TAF12: variants seen among roughly 807,000 people sequenced by gnomAD.
TAF12 encodes transcription initiation factor TFIID subunit 12.
In TAF12, 3 loss-of-function variants were observed where a neutral mutation model predicts 20.8. The ratio of observed to expected loss-of-function variants is 0.14; its 90% CI spans 0.07 to 0.37. The LOEUF (loss-of-function observed/expected upper bound fraction) is 0.37, where lower values mean the gene tolerates loss of function less well. TAF12 is among the 10% of genes least tolerant of loss of function. TAF12 has a pLI of 1.00. For synonymous variants in TAF12, 69 were observed against 70.2 expected (o/e 0.98, Z 0.09); for missense variants, 131 against 197.9 (o/e 0.66, Z 2.03).
At chr1:28,634,666 A>G (rs1424025586) in intron 1 of TAF12, among the ~76,000 whole-genome samples, 1 of 152,162 alleles carries the variant, frequency 6.6e-6, no homozygotes, top group East Asian at 1.9e-4. Flanking sequence ...GCAGTGGCTC[A>G]CGCCTGTAAT....
intron 4 of TAF12, among the ~76,000 whole-genome samples, chr1:28,608,373 T>C (rs375332734): frequency 1.3e-5 from 2 of 149,132 alleles, no homozygotes; most frequent in East Asian, 4.0e-4. Flanking sequence ...TGAACTCAGG[T>C]GGTGGAGGTT....
rs57536422 is a variant in TAF12 at position 28,615,678 on chromosome 1, C to CAAAAAAAAA, written c.246+2266_246+2274dup. 1.4e-3 allele frequency among the ~76,000 whole-genome samples: 47 copies of CAAAAAAAAA among 34,506 alleles called. 1 individual carries two copies. Among genetic ancestry groups the CAAAAAAAAA allele is most frequent in the East Asian group, 4.5e-3 (3 of 670 alleles). 22.6% of individuals were successfully genotyped at this position (34,506 alleles called of 152,430 possible). A position where few individuals can be genotyped will look rare whatever the true frequency, so the allele number is the denominator to read the frequency against. On this transcript the variant is annotated intron_variant, in intron 3 of 5. Transcript: ENST00000373824. ...TGGTCAACAGAGCGAGACTCCGTCTCAAAAAAAAAAAAAAAAAAAAAAAAA... is the reference window on the plus strand; with the variant it reads ...TGGTCAACAGAGCGAGACTCCGTCTCAAAAAAAAAAAAAAAAAAAAAAAAAAAAAAAAAA...
intron 5 of TAF12, among the ~76,000 whole-genome samples, chr1:28,605,126 G>C (rs1666622089): frequency 6.6e-6 from 1 of 152,156 alleles, no homozygotes; most frequent in Admixed American, 6.5e-5. Context: ...ACAGCTTTAA[G>C]TGACACTCAA....
Position 28,623,945 on chromosome 1 carries a change from C to G in TAF12, c.-84-1780G>C, listed in dbSNP as rs986780888. 4.1e-6 allele frequency: 4 copies of G among 985,532 alleles called. No individual in the cohort carries two copies. The African/African-American group carries it at 5.2e-5, about 13-fold the overall frequency. The allele number at this position is 985,532 out of a possible 1,614,324, so 61.0% of individuals were successfully genotyped here. ...CTCACAGTAGCCTCAAACTTACTTA[C>G]AGCTATCTGAGTGTCTAGATCTTTA... On this transcript the variant is annotated intron_variant, in intron 1 of 5. Transcript: ENST00000373824.
chr1:28,629,964 G>A (rs1261486932), intron 1 of TAF12, among the ~76,000 whole-genome samples: 1 of 148,572 alleles, frequency 6.7e-6, no homozygotes, highest in African/African-American at 2.5e-5. Flanking sequence ...TTTTAGAGAT[G>A]GGTCTTACTT....
At chr1:28,614,968 G>T (rs1380872459) in intron 3 of TAF12, among the ~76,000 whole-genome samples, 1 of 152,152 alleles carries the variant, frequency 6.6e-6, no homozygotes, top group Non-Finnish European at 1.5e-5. Context: ...AATTAGCTGG[G>T]CTTGGTGGCA....
chr1:28,646,635 A>G (rs1379640872), upstream of TAF12, among the ~76,000 whole-genome samples: 1 of 151,050 alleles, frequency 6.6e-6, no homozygotes, highest in Non-Finnish European at 1.5e-5. Flanking sequence ...GGTTCAAGTG[A>G]TTCTCCTGCC....
chr1:28,639,660 G>A (rs1172066220), intron 1 of TAF12, among the ~76,000 whole-genome samples: 4 of 152,060 alleles, frequency 2.6e-5, no homozygotes, highest in Non-Finnish European at 5.9e-5. Flanking sequence ...GCATCGGTAT[G>A]CTTTCCCTTA....
chr1:28,630,606 C>G (rs374397865), intron 1 of TAF12, among the ~76,000 whole-genome samples: 1 of 151,866 alleles, frequency 6.6e-6, no homozygotes, highest in East Asian at 1.9e-4. Context: ...TATACAACTT[C>G]TTGAAGAAAA....
At chr1:28,604,435 C>A (rs998409832) in intron 5 of TAF12, among the ~76,000 whole-genome samples, 2 of 152,214 alleles carry the variant, frequency 1.3e-5, no homozygotes, top group African/African-American at 2.4e-5. Context: ...TTACTAGCTA[C>A]TAGCCAAATT....
chr1:28,615,662 G>C (rs951913621), intron 3 of TAF12, among the ~76,000 whole-genome samples: 1 of 104,106 alleles, frequency 9.6e-6, no homozygotes, highest in Non-Finnish European at 1.7e-5. Flanking sequence ...CTGGTCAACA[G>C]AGCGAGACTC....
intron 1 of TAF12, among the ~76,000 whole-genome samples, chr1:28,630,665 A>G (rs530785966): frequency 2.4e-4 from 37 of 152,252 alleles, no homozygotes; most frequent in Non-Finnish European, 4.3e-4. Context: ...CTTAGATACA[A>G]TATCAAAAGC....
chr1:28,637,291 G>T lies in TAF12; in HGVS notation c.-85+5701C>A, dbSNP rs150529439. Among the ~76,000 whole-genome samples the T allele has an allele frequency of 2.2e-3, 333 of 152,056 alleles. 1 individual carries two copies. The highest frequency in any genetic ancestry group is 7.8e-3 in the African/African-American group (322 of 41,486). On this transcript the variant is annotated intron_variant, in intron 1 of 5. Transcript: ENST00000373824. ...GTTTTGCTCTGTCACCCAGGCTCGA[G>T]CGCAGTGGCACGATCTTGGTTCACT... is the stretch of plus-strand genomic sequence containing the variant.
intron 1 of TAF12, among the ~76,000 whole-genome samples, chr1:28,639,846 CTT>C (rs113418227): frequency 6.9e-6 from 1 of 145,740 alleles, no homozygotes; most frequent in Admixed American, 6.9e-5. Flanking sequence ...TTTCAAATTA[CTT>C]TTTTTTTTTT....
chr1:28,639,713 C>T (rs546358155), intron 1 of TAF12, among the ~76,000 whole-genome samples: 2 of 152,168 alleles, frequency 1.3e-5, no homozygotes, highest in African/African-American at 4.8e-5. Flanking sequence ...ATATAATAGG[C>T]GCTTGCAAAT....
At chr1:28,621,889 A>T in intron 2 of TAF12, 25 bp downstream of exon 2, 1 of 1,609,052 alleles carries the variant, frequency 6.2e-7, no homozygotes, top group Non-Finnish European at 8.5e-7. Flanking sequence ...GTGGCTACAG[A>T]GAAGAAAGAG....
At chr1:28,613,764 T>C (rs893194739) in intron 3 of TAF12, among the ~76,000 whole-genome samples, 1 of 152,194 alleles carries the variant, frequency 6.6e-6, no homozygotes, top group Admixed American at 6.5e-5. Flanking sequence ...ATTCATTCCA[T>C]AGAGGATTTC....
intron 5 of TAF12, 60 bp downstream of exon 5, chr1:28,605,312 T>G (rs1666630115): frequency 6.4e-7 from 1 of 1,570,894 alleles, no homozygotes; most frequent in African/African-American, 1.4e-5. Flanking sequence ...GTGTATCCAC[T>G]CTGAGACGTA....
At chr1:28,645,944 G>A (rs1668174264), upstream of TAF12, 5 of 150,494 alleles carry the variant, frequency 3.3e-5, no homozygotes, top group Admixed American at 3.3e-4. Flanking sequence ...CTCCAACCTG[G>A]GCAACAGAGT....
Sources: gnomAD v4.1 joint callset for allele counts (sites outside exome capture counted in the v4.1 genomes callset) on GRCh38, gnomAD v4.1.1 for gene constraint, MANE v1.5 for transcripts, NCBI Gene and HGNC (gene_info 2026-07-23, HGNC 2026-07-21) for gene names.